The following FAM117B variants were observed in gnomAD, a reference collection of about 807,000 sequenced individuals.
FAM117B encodes the protein protein FAM117B.
FAM117B carries 22 observed loss-of-function variants against 52.8 expected under a neutral mutation model. The observed-to-expected ratio is 0.42, with a 90% CI of 0.30 to 0.59. The LOEUF (loss-of-function observed/expected upper bound fraction) is 0.59. Ranked by LOEUF, FAM117B falls within the 20% of genes least tolerant of loss-of-function variation. The pLI, the probability that FAM117B is intolerant of heterozygous loss-of-function variation, is 0.22. For missense variants in FAM117B, 678 were observed against 802.6 expected, an observed-to-expected ratio of 0.84 and a Z score of 1.88; for synonymous variants, 309 against 324.1, an observed-to-expected ratio of 0.95 and a Z score of 0.50.
intron 4 of FAM117B, among the ~76,000 whole-genome samples, chr2:202,732,046 C>CTTTTTTTTTTTT (rs758181285): frequency 3.0e-5 from 4 of 135,010 alleles, no homozygotes; most frequent in South Asian, 2.4e-4. Context: ...ATTTATTTTT[C>CTTTTTTTTTTTT]TTTTTTTTTT....
intron 1 of FAM117B, among the ~76,000 whole-genome samples, chr2:202,692,616 A>G (rs1690652257): frequency 6.6e-6 from 1 of 152,242 alleles, no homozygotes; most frequent in African/African-American, 2.4e-5. Flanking sequence ...ATTCTAGTTA[A>G]AAGTTAGCGT....
At chr2:202,759,421 ACT>A (rs1290234444) in intron 7 of FAM117B, 68 bp downstream of exon 7, 1 of 1,567,232 alleles carries the variant, frequency 6.4e-7, no homozygotes, top group African/African-American at 1.4e-5. Context: ...ATAGGATCTC[ACT>A]CTGTCATCTA....
At chr2:202,675,628 A>G (rs145931047) in intron 1 of FAM117B, among the ~76,000 whole-genome samples, 2 of 151,928 alleles carry the variant, frequency 1.3e-5, no homozygotes, top group African/African-American at 2.4e-5. Context: ...TCTGGTGTTC[A>G]TGCCCTGTGT....
chr2:202,672,543 A>G (rs970098794), intron 1 of FAM117B, among the ~76,000 whole-genome samples: 7 of 152,076 alleles, frequency 4.6e-5, no homozygotes, highest in Admixed American at 3.3e-4. Context: ...TTATCTCACT[A>G]TTTCCTTTTA....
At chr2:202,740,127 T>A (rs1273484242) in intron 4 of FAM117B, among the ~76,000 whole-genome samples, 1 of 122,996 alleles carries the variant, frequency 8.1e-6, no homozygotes, top group East Asian at 2.6e-4. Flanking sequence ...GAGCCAAGAT[T>A]GCATCACTGC....
chr2:202,656,989 A>C (rs1030193252), intron 1 of FAM117B, among the ~76,000 whole-genome samples: 1 of 152,256 alleles, frequency 6.6e-6, no homozygotes, highest in South Asian at 2.1e-4. Flanking sequence ...TGCAAGATCT[A>C]TTTTTACTAT....
At chr2:202,664,912 T>C (rs1690179871) in intron 1 of FAM117B, among the ~76,000 whole-genome samples, 1 of 152,198 alleles carries the variant, frequency 6.6e-6, no homozygotes, top group South Asian at 2.1e-4. Flanking sequence ...GTTCTGTAGG[T>C]TGAAAGTTGG....
intron 2 of FAM117B, among the ~76,000 whole-genome samples, chr2:202,719,205 T>A (rs1691111324): frequency 1.3e-5 from 2 of 152,226 alleles, no homozygotes; most frequent in Non-Finnish European, 2.9e-5. Context: ...TGCTAGGTAT[T>A]TTTTCCTGCC....
intron 1 of FAM117B, among the ~76,000 whole-genome samples, chr2:202,653,768 A>C (rs1346989463): frequency 1.3e-5 from 2 of 152,104 alleles, no homozygotes; most frequent in Non-Finnish European, 2.9e-5. Flanking sequence ...TTGGCAATTA[A>C]AGTGCGGCAA....
At position 202,757,353 on chromosome 2, in the gene FAM117B, A is replaced by G. The variant is rs1350336500; in HGVS notation, c.1245A>G (p.Pro415=). 6.2e-7 allele frequency: 1 copy of G among 1,613,988 alleles called. No homozygotes were observed. The highest frequency in any genetic ancestry group is 8.5e-7 in the Non-Finnish European group (1 of 1,180,040). The change falls in exon 6 of 8, where the codon CCA becomes CCG. Residue 415 remains proline, a synonymous_variant. Coordinates refer to ENST00000392238, the MANE Select transcript of FAM117B (RefSeq NM_173511.4). ...GCAGCCGTTCCCAGTCCGTGTCCCC[A>G]ACATCGTTCCTCACCATTTCCAATG... ...NNSSRSQSVS[P]TSFLTISNEG...
chr2:202,708,125 C>T (rs998779937), intron 2 of FAM117B, among the ~76,000 whole-genome samples: 1 of 152,108 alleles, frequency 6.6e-6, no homozygotes, highest in African/African-American at 2.4e-5. Context: ...TTTACGCGTA[C>T]AATACAGTAT....
At chr2:202,692,430 C>T (rs1178240899) in intron 1 of FAM117B, among the ~76,000 whole-genome samples, 1 of 152,094 alleles carries the variant, frequency 6.6e-6, no homozygotes. Flanking sequence ...TTAGACTTTA[C>T]AGGTCAAGAG....
intron 4 of FAM117B, among the ~76,000 whole-genome samples, chr2:202,754,801 A>G (rs967552540): frequency 6.8e-6 from 1 of 146,456 alleles, no homozygotes; most frequent in Admixed American, 7.1e-5. Context: ...GAGGCAGAAG[A>G]GTCGCTTGAA....
intron 2 of FAM117B, among the ~76,000 whole-genome samples, chr2:202,721,189 T>C (rs1691146311): frequency 1.3e-5 from 2 of 152,174 alleles, no homozygotes; most frequent in Admixed American, 1.3e-4. Context: ...CTGAATTAAA[T>C]ATTGAACTAA....
At chr2:202,755,763 G>C in intron 5 of FAM117B, 82 bp downstream of exon 5, 1 of 1,391,758 alleles carries the variant, frequency 7.2e-7, no homozygotes, top group Non-Finnish European at 9.6e-7. Flanking sequence ...ATATTTACTT[G>C]GGTTTCTTCC....
At chr2:202,664,181 A>G (rs2105762547) in intron 1 of FAM117B, among the ~76,000 whole-genome samples, 1 of 152,360 alleles carries the variant, frequency 6.6e-6, no homozygotes, top group East Asian at 1.9e-4. Flanking sequence ...GGTGAGTGTC[A>G]TTAGCTCCTG....
chr2:202,714,533 CTTTT>C (rs1034689626), intron 2 of FAM117B, among the ~76,000 whole-genome samples: 7 of 117,658 alleles, frequency 5.9e-5, no homozygotes, highest in African/African-American at 1.0e-4. Flanking sequence ...TTTTTTTTTT[CTTTT>C]TTTTTTTTTT....
At chr2:202,665,902 G>A (rs1415550944) in intron 1 of FAM117B, among the ~76,000 whole-genome samples, 8 of 152,172 alleles carry the variant, frequency 5.3e-5, no homozygotes, top group African/African-American at 1.7e-4. Flanking sequence ...AAACTGGCAG[G>A]ACAGGAAATC....
rs373814922 is a variant in FAM117B at position 202,730,579 on chromosome 2, A to G, written c.960+4216A>G. 2.8e-4 allele frequency among the ~76,000 whole-genome samples: 43 copies of G among 152,282 alleles called. No homozygotes were observed. The South Asian group carries it at 8.5e-3, about 30-fold the overall frequency. Reference sequence around the variant, plus strand: ...AAGCTACTCGGGAGGCTGAGGCACGAGAATAGCTTGAATCTGGGAGGCGGA... The same window carrying G: ...AAGCTACTCGGGAGGCTGAGGCACGGGAATAGCTTGAATCTGGGAGGCGGA... On this transcript the variant is annotated intron_variant, in intron 4 of 7. Transcript: ENST00000392238.
Sources: allele counts gnomAD v4.1 joint callset (sites outside exome capture counted in the v4.1 genomes callset), GRCh38; gene constraint gnomAD v4.1.1; transcripts MANE v1.5; gene names NCBI Gene and HGNC (gene_info 2026-07-23, HGNC 2026-07-21).